The following KANK4 variants were observed in gnomAD, a reference collection of about 807,000 sequenced individuals.
KANK4 encodes KN motif and ankyrin repeat domain-containing protein 4.
A neutral mutation model predicts 80.8 loss-of-function variants in KANK4; 50 were observed. That is an observed-to-expected ratio of 0.62 (90% CI 0.49 to 0.78). The LOEUF (loss-of-function observed/expected upper bound fraction) is 0.78, where lower values mean the gene tolerates loss of function less well. Among genes scored for constraint, KANK4 ranks in the 30% least tolerant of loss-of-function variants. The pLI is 0.00. For synonymous variants in KANK4, 465 were observed against 506.9 expected (o/e 0.92, Z 1.11); for missense variants, 1,196 against 1,240.1 (o/e 0.96, Z 0.53).
At chr1:62,313,740 C>T (rs1644516398) in intron 1 of KANK4, among the ~76,000 whole-genome samples, 1 of 152,098 alleles carries the variant, frequency 6.6e-6, no homozygotes, top group African/African-American at 2.4e-5. Flanking sequence ...AGGACAAATA[C>T]CTAATGCATG....
intron 1 of KANK4, among the ~76,000 whole-genome samples, chr1:62,314,139 G>A (rs1487048039): frequency 1.3e-5 from 2 of 152,060 alleles, no homozygotes; most frequent in African/African-American, 2.4e-5. Context: ...TCAGCCTCCT[G>A]AGTAGCTGGG....
At chr1:62,267,475 G>A (rs1479964803) in intron 5 of KANK4, among the ~76,000 whole-genome samples, 2 of 152,110 alleles carry the variant, frequency 1.3e-5, no homozygotes, top group Non-Finnish European at 2.9e-5. Context: ...ACAGCTATAA[G>A]CTGTGGTGCC....
intron 6 of KANK4, 35 bp from the exon 7 acceptor site, chr1:62,263,346 C>A (rs771766012): frequency 1.3e-6 from 2 of 1,544,856 alleles, no homozygotes; most frequent in East Asian, 2.3e-5. Flanking sequence ...CCAAGAGGTT[C>A]CCCGGCCAGC....
At chr1:62,312,047 C>T (rs7545271) in intron 1 of KANK4, among the ~76,000 whole-genome samples, 2 of 152,098 alleles carry the variant, frequency 1.3e-5, no homozygotes, top group African/African-American at 4.8e-5. Flanking sequence ...AGCCTATGGA[C>T]TCTTTCTCAG....
At chr1:62,284,161 C>G (rs1320245094) in intron 1 of KANK4, among the ~76,000 whole-genome samples, 1 of 152,196 alleles carries the variant, frequency 6.6e-6, no homozygotes, top group Non-Finnish European at 1.5e-5. Context: ...GTCCTAGCAA[C>G]AGACATCGTG....
At chr1:62,275,878 AAGGG>A (rs1672300653) in intron 2 of KANK4, among the ~76,000 whole-genome samples, 1 of 132,360 alleles carries the variant, frequency 7.6e-6, no homozygotes, top group Non-Finnish European at 1.6e-5. Context: ...GGGAGGAAGG[AAGGG>A]AGGAAGGAAG....
chr1:62,238,390 GA>G lies in KANK4; in HGVS notation c.2884-10del, dbSNP rs1244668037. 3 of 1,611,576 alleles carry G rather than the reference GA, an allele frequency of 1.9e-6. No individual in the cohort carries two copies. In the East Asian group the frequency reaches 6.7e-5, roughly 36 times the overall value. ...AAAGCTGTGCGGCCAGCCTACAGGA[GA>G]AAAAGGAAAGAAGAAATAAATATCA... On this transcript the variant is annotated splice_polypyrimidine_tract_variant and intron_variant, in intron 9 of 9. Transcript: ENST00000371153.
chr1:62,244,224 C>A (rs1030354243), intron 9 of KANK4, among the ~76,000 whole-genome samples: 1 of 150,476 alleles, frequency 6.6e-6, no homozygotes, highest in Non-Finnish European at 1.5e-5. Flanking sequence ...GAGACAGGGT[C>A]TCACTCTGTC....
chr1:62,245,648 G>A (rs1671447708), intron 9 of KANK4, among the ~76,000 whole-genome samples: 2 of 152,118 alleles, frequency 1.3e-5, no homozygotes, highest in Non-Finnish European at 2.9e-5. Context: ...GAAAATCTTA[G>A]GACAGTTACA....
chr1:62,304,509 C>T (rs1291378123), intron 1 of KANK4, among the ~76,000 whole-genome samples: 1 of 151,994 alleles, frequency 6.6e-6, no homozygotes, highest in Non-Finnish European at 1.5e-5. Flanking sequence ...CCAGGATTCT[C>T]CCCTTCTAGC....
Position 62,274,308 on chromosome 1 carries a change from C to G in KANK4, c.796G>C (p.Asp266His). ...TCTGCTTCTCTGGCATTGTGTTCAT[C>G]TTCCTTGTCCTCTAGAACTACAAGC... Reference protein sequence around the residue: ...NVLVVLEDKEDEHNAREAEVL... With the variant: ...NVLVVLEDKEHEHNAREAEVL... The change falls in exon 3 of 10, where the codon GAT (aspartate) becomes CAT (histidine). Residue 266 changes from aspartate to histidine, a missense_variant. Transcript: ENST00000371153. 6.2e-7 allele frequency: 1 copy of G among 1,614,198 alleles called. No homozygotes were observed.
At chr1:62,268,719 T>C (rs1672089487) in intron 4 of KANK4, among the ~76,000 whole-genome samples, 1 of 152,174 alleles carries the variant, frequency 6.6e-6, no homozygotes, top group Non-Finnish European at 1.5e-5. Flanking sequence ...AGAGAGGCTA[T>C]TTGGGGAGAC....
intron 1 of KANK4, among the ~76,000 whole-genome samples, chr1:62,288,540 C>T (rs879299581): frequency 6.9e-6 from 1 of 145,410 alleles, no homozygotes; most frequent in African/African-American, 2.5e-5. Flanking sequence ...ACAGTCATTC[C>T]CACAGAATGC....
In KANK4 at chr1:62,288,634, T is replaced by C. The variant is rs552385999; in HGVS notation, c.-70-7000A>G. ...GGAGGGAAATCAGCTATTCTAAAGA[T>C]TGACTCTACAAAGCAGATGTAATTT... is the stretch of plus-strand genomic sequence containing the variant. On this transcript the variant is annotated intron_variant, in intron 1 of 9. Coordinates refer to ENST00000371153, the MANE Select transcript of KANK4 (RefSeq NM_181712.5). Among the ~76,000 whole-genome samples the C allele has an allele frequency of 2.8e-4, 43 of 152,260 alleles. 1 individual carries two copies. The highest frequency in any genetic ancestry group is 3.4e-3 in the Middle Eastern group (1 of 294).
intron 6 of KANK4, chr1:62,263,533 G>C: frequency 3.7e-6 from 2 of 541,120 alleles, no homozygotes; most frequent in Non-Finnish European, 6.5e-6. Flanking sequence ...AGACTGGGAG[G>C]ACAGCCTAGT....
chr1:62,317,726 T>C (rs994167260), intron 1 of KANK4, among the ~76,000 whole-genome samples: 6 of 152,372 alleles, frequency 3.9e-5, no homozygotes, highest in African/African-American at 7.2e-5. Context: ...TCAGGGTATC[T>C]AGTCCTTTCA....
intron 7 of KANK4, among the ~76,000 whole-genome samples, chr1:62,257,298 G>A (rs1487629761): frequency 1.3e-5 from 2 of 152,186 alleles, no homozygotes; most frequent in African/African-American, 4.8e-5. Context: ...ATGTTGGCCA[G>A]GATGGTCTTG....
At chr1:62,281,489 C>T (rs1475819147) in intron 2 of KANK4, 60 bp downstream of exon 2, 2 of 1,607,238 alleles carry the variant, frequency 1.2e-6, no homozygotes, top group East Asian at 2.2e-5. Flanking sequence ...TTTGTGGCAA[C>T]AATTCTTTCC....
chr1:62,311,118 A>T (rs548432658), intron 1 of KANK4, among the ~76,000 whole-genome samples: 15 of 152,262 alleles, frequency 9.9e-5, no homozygotes, highest in African/African-American at 3.6e-4. Context: ...TTTCCTACCA[A>T]AAGAATATGG....
Sources: gnomAD v4.1 joint callset for allele counts (sites outside exome capture counted in the v4.1 genomes callset) on GRCh38, gnomAD v4.1.1 for gene constraint, MANE v1.5 for transcripts, NCBI Gene and HGNC (gene_info 2026-07-23, HGNC 2026-07-21) for gene names.